Variants in SAMD5 observed in about 807,000 individuals in gnomAD.
The protein encoded by SAMD5 is sterile alpha motif domain containing 5, also known as sterile alpha motif domain-containing protein 5.
A neutral mutation model predicts 11.3 loss-of-function variants in SAMD5; 13 were observed. The ratio of observed to expected loss-of-function variants is 1.15; its 90% CI spans 0.75 to 1.83. The LOEUF (loss-of-function observed/expected upper bound fraction) is 1.83. SAMD5 is among the 40% of genes most tolerant of loss of function. SAMD5 has a pLI of 0.00. For synonymous variants in SAMD5, 129 were observed against 111.3 expected (o/e 1.16, Z -1.00); for missense variants, 255 against 239.1 (o/e 1.07, Z -0.44).
At chr6:147,843,472 T>C in the SAMD5 span, among the ~76,000 whole-genome samples, 1 of 152,176 alleles carries the variant, frequency 6.6e-6, no homozygotes, top group Non-Finnish European at 1.5e-5. Context: ...ATGTCATTCT[T>C]CACAGAAATT....
chr6:147,780,232 G>A, the SAMD5 span, among the ~76,000 whole-genome samples: 1 of 149,448 alleles, frequency 6.7e-6, no homozygotes, highest in African/African-American at 2.5e-5. Flanking sequence ...ACAGAGTCTC[G>A]CTCTGTCACC....
chr6:147,845,010 A>G, the SAMD5 span, among the ~76,000 whole-genome samples: 1 of 152,194 alleles, frequency 6.6e-6, no homozygotes, highest in Non-Finnish European at 1.5e-5. Flanking sequence ...CCACAAATAA[A>G]TGATAAATAT....
chr6:147,676,308 C>T (rs1356900295), intron 1 of SAMD5, among the ~76,000 whole-genome samples: 1 of 152,104 alleles, frequency 6.6e-6, no homozygotes, highest in Non-Finnish European at 1.5e-5. Context: ...TAGCAATGAA[C>T]ACTGATCTTG....
At chr6:147,667,307 G>C (rs1790736993) in intron 1 of SAMD5, among the ~76,000 whole-genome samples, 2 of 151,872 alleles carry the variant, frequency 1.3e-5, no homozygotes, top group Non-Finnish European at 2.9e-5. Context: ...TTAATGGTGA[G>C]GTGTTGATTA....
At chr6:147,737,771 A>G (rs1008092132), downstream of SAMD5, among the ~76,000 whole-genome samples, 3 of 140,300 alleles carry the variant, frequency 2.1e-5, no homozygotes, top group Non-Finnish European at 1.5e-5. Flanking sequence ...CATGTTATAT[A>G]TATATATATT....
chr6:147,749,826 A>C, the SAMD5 span, among the ~76,000 whole-genome samples: 1 of 152,208 alleles, frequency 6.6e-6, no homozygotes, highest in African/African-American at 2.4e-5. Context: ...TTCTGTTACT[A>C]AAGTAGTGTG....
At chr6:147,889,111 G>A in the SAMD5 span, among the ~76,000 whole-genome samples, 10 of 151,868 alleles carry the variant, frequency 6.6e-5, no homozygotes, top group African/African-American at 1.7e-4. Flanking sequence ...TTCCAATTAC[G>A]TGTGTGTATT....
the SAMD5 span, among the ~76,000 whole-genome samples, chr6:147,944,118 C>T: frequency 6.6e-6 from 1 of 152,182 alleles, no homozygotes; most frequent in Admixed American, 6.5e-5. Flanking sequence ...CCAATTTTCC[C>T]TCCCCCTCTC....
chr6:147,733,979 A>G (rs1791756274), intron 1 of SAMD5, among the ~76,000 whole-genome samples: 1 of 152,206 alleles, frequency 6.6e-6, no homozygotes, highest in Admixed American at 6.5e-5. Flanking sequence ...CAGGATCCGA[A>G]ATAAGGAAAA....
At chr6:147,691,155 C>T (rs1791097742) in intron 1 of SAMD5, among the ~76,000 whole-genome samples, 1 of 152,062 alleles carries the variant, frequency 6.6e-6, no homozygotes, top group African/African-American at 2.4e-5. Flanking sequence ...CCACCACACC[C>T]AGCTGATTTT....
intron 1 of SAMD5, among the ~76,000 whole-genome samples, chr6:147,734,711 T>TAAAAAAAAAA (rs61482319): frequency 0.038 from 986 of 26,170 alleles, 159 homozygotes; most frequent in Middle Eastern, 0.077. Flanking sequence ...AGACTCCATC[T>TAAAAAAAAAA]AAAAAAAAAA....
the SAMD5 span, among the ~76,000 whole-genome samples, chr6:147,806,391 C>T: frequency 6.6e-6 from 1 of 152,166 alleles, no homozygotes; most frequent in Non-Finnish European, 1.5e-5. Context: ...TATCTTTGGT[C>T]CTATCAGAGT....
At chr6:147,836,926 T>C in the SAMD5 span, among the ~76,000 whole-genome samples, 2 of 152,220 alleles carry the variant, frequency 1.3e-5, no homozygotes, top group East Asian at 3.9e-4. Flanking sequence ...TGATAGATAT[T>C]TTGCTCATTG....
chr6:147,879,758 G>C, the SAMD5 span, among the ~76,000 whole-genome samples: 1 of 152,086 alleles, frequency 6.6e-6, no homozygotes. Flanking sequence ...AAGAATAATG[G>C]TGCGCAAATA....
chr6:147,638,725 A>G (rs1420986248), intron 1 of SAMD5, among the ~76,000 whole-genome samples: 4 of 152,204 alleles, frequency 2.6e-5, no homozygotes, highest in South Asian at 2.1e-4. Flanking sequence ...ATAGCCTATT[A>G]TGGAATAAAT....
the SAMD5 span, among the ~76,000 whole-genome samples, chr6:147,754,347 C>CTTTTTTTTTTTTT: frequency 1.5e-5 from 2 of 130,684 alleles, no homozygotes; most frequent in African/African-American, 5.8e-5. Context: ...ATTTGTATGT[C>CTTTTTTTTTTTTT]TTTTTTTTTT....
chr6:147,589,397 C>T (rs1213976899), intron 1 of SAMD5, among the ~76,000 whole-genome samples: 1 of 152,212 alleles, frequency 6.6e-6, no homozygotes, highest in Non-Finnish European at 1.5e-5. Context: ...TTCTCACAGA[C>T]CAATCCTGTC....
the SAMD5 span, among the ~76,000 whole-genome samples, chr6:147,853,922 A>G: frequency 6.6e-6 from 1 of 152,164 alleles, no homozygotes; most frequent in South Asian, 2.1e-4. Flanking sequence ...ACATTCCATT[A>G]TTGCTTTTTA....
At chr6:147,529,818 T>C (rs1317760793) in intron 1 of SAMD5, among the ~76,000 whole-genome samples, 1 of 152,230 alleles carries the variant, frequency 6.6e-6, no homozygotes, top group Non-Finnish European at 1.5e-5. Flanking sequence ...TACAAATATT[T>C]TGTACTATAA....
Sources: gnomAD v4.1 joint callset for allele counts (sites outside exome capture counted in the v4.1 genomes callset) on GRCh38, gnomAD v4.1.1 for gene constraint, MANE v1.5 for transcripts, NCBI Gene and HGNC (gene_info 2026-07-23, HGNC 2026-07-21) for gene names.